The following GPC5 variants were observed in gnomAD, a reference collection of about 807,000 sequenced individuals.
The protein encoded by GPC5 is glypican-5.
Under a neutral mutation model 53.9 loss-of-function variants are expected in GPC5, and 47 were observed. That is an observed-to-expected ratio of 0.87 (90% confidence interval 0.69 to 1.11). The LOEUF is 1.11. Among genes scored for constraint, GPC5 ranks in the 50% most tolerant of loss-of-function variants. The pLI is 0.00. For synonymous variants in GPC5, 286 were observed against 263.3 expected (o/e 1.09, Z -0.84); for missense variants, 748 against 713.1 (o/e 1.05, Z -0.56).
chr13:92,260,963 A>G (rs1476604412), intron 7 of GPC5, among the ~76,000 whole-genome samples: 2 of 152,140 alleles, frequency 1.3e-5, no homozygotes, highest in African/African-American at 2.4e-5. Flanking sequence ...GTCAGTTGTT[A>G]TAGTAGTTGA....
chr13:92,856,995 CA>C (rs919641975), intron 7 of GPC5, among the ~76,000 whole-genome samples: 2 of 151,358 alleles, frequency 1.3e-5, no homozygotes, highest in Middle Eastern at 3.4e-3. Flanking sequence ...TTATATGGAA[CA>C]AAAAAAAGCC....
chr13:92,219,462 G>A (rs924892183), intron 7 of GPC5, among the ~76,000 whole-genome samples: 15 of 152,036 alleles, frequency 9.9e-5, no homozygotes, highest in Admixed American at 3.3e-4. Context: ...AGGCCGATTC[G>A]CACTGGCTTC....
rs113493153 is a variant in GPC5 at position 91,839,989 on chromosome 13, G to T, written c.1281-67948G>T. On this transcript the variant is annotated intron_variant, in intron 5 of 7. Coordinates refer to ENST00000377067, the MANE Select transcript of GPC5 (RefSeq NM_004466.6). ...TTCTTTCCTTATGCACTAGCAATGA[G>T]GAATTAGTCACAATTCCTAAGATCT... Among the ~76,000 whole-genome samples, 79 of 151,438 alleles carry T rather than the reference G, an allele frequency of 5.2e-4. 1 individual carries two copies. The highest frequency in any genetic ancestry group is 1.9e-3 in the African/African-American group (77 of 41,264).
At chr13:92,829,110 T>C (rs1045527113) in intron 7 of GPC5, among the ~76,000 whole-genome samples, 2 of 152,170 alleles carry the variant, frequency 1.3e-5, no homozygotes, top group Admixed American at 1.3e-4. Flanking sequence ...GAAACAGATG[T>C]AATGTATGTC....
At chr13:91,456,484 A>G (rs1039319280) in intron 2 of GPC5, among the ~76,000 whole-genome samples, 4 of 152,048 alleles carry the variant, frequency 2.6e-5, no homozygotes, top group Admixed American at 1.3e-4. Flanking sequence ...TGCAAAGTTA[A>G]TAATTTTTTT....
intron 1 of GPC5, among the ~76,000 whole-genome samples, chr13:91,410,512 AT>A (rs34699716): frequency 0.49 from 73,566 of 150,844 alleles, 19,786 homozygotes; most frequent in South Asian, 0.63. Context: ...CACCTGGCTA[AT>A]TTTTTTGTAT....
chr13:92,626,672 C>T (rs1227514161), intron 7 of GPC5, among the ~76,000 whole-genome samples: 2 of 151,882 alleles, frequency 1.3e-5, no homozygotes. Flanking sequence ...TAAAGGTGGC[C>T]CAGCTTAGAC....
At chr13:92,082,684 G>A (rs980887055) in intron 6 of GPC5, among the ~76,000 whole-genome samples, 3 of 152,068 alleles carry the variant, frequency 2.0e-5, no homozygotes, top group Non-Finnish European at 4.4e-5. Context: ...ATAAATAAGA[G>A]TTTAAATTTT....
intron 7 of GPC5, among the ~76,000 whole-genome samples, chr13:92,793,940 C>T (rs951405284): frequency 6.6e-6 from 1 of 151,960 alleles, no homozygotes; most frequent in African/African-American, 2.4e-5. Flanking sequence ...TTCACAGCTG[C>T]ATTCTACTAG....
At chr13:91,734,263 A>T (rs1405866148) in intron 4 of GPC5, among the ~76,000 whole-genome samples, 1 of 151,368 alleles carries the variant, frequency 6.6e-6, no homozygotes, top group Non-Finnish European at 1.5e-5. Flanking sequence ...ATTGATGTTC[A>T]TCAGGGATAT....
chr13:92,003,561 G>GT lies in GPC5; in HGVS notation c.1401+95505dup, dbSNP rs2040576829. On this transcript the variant is annotated intron_variant, in intron 6 of 7. Transcript: ENST00000377067. ...TATAACATTTAACAGATTATAGGAT[G>GT]TCAGTATTTCAAATCTAGTAAGGCT... Among the ~76,000 whole-genome samples, 3 of 152,120 alleles carry GT rather than the reference G, an allele frequency of 2.0e-5. No individual in the cohort carries two copies. In the South Asian group the frequency reaches 6.2e-4, roughly 32 times the overall value.
intron 7 of GPC5, among the ~76,000 whole-genome samples, chr13:92,790,946 G>C (rs573296731): frequency 6.6e-6 from 1 of 152,036 alleles, no homozygotes; most frequent in Non-Finnish European, 1.5e-5. Context: ...AACTTACCTA[G>C]GTTCAATGGA....
chr13:92,375,369 T>C (rs1566562463), intron 7 of GPC5, among the ~76,000 whole-genome samples: 1 of 152,170 alleles, frequency 6.6e-6, no homozygotes, highest in Non-Finnish European at 1.5e-5. Flanking sequence ...AGTTGAAATA[T>C]TCTAGCTTGG....
At chr13:91,746,806 T>C (rs1222919226) in intron 4 of GPC5, among the ~76,000 whole-genome samples, 1 of 152,220 alleles carries the variant, frequency 6.6e-6, no homozygotes, top group Admixed American at 6.5e-5. Context: ...TGGAATATTA[T>C]ACAGCTAATT....
At chr13:92,370,077 A>G (rs192905300) in intron 7 of GPC5, among the ~76,000 whole-genome samples, 1 of 152,368 alleles carries the variant, frequency 6.6e-6, no homozygotes, top group East Asian at 1.9e-4. Context: ...TTGGTTTCTT[A>G]GAAAATTAAT....
At chr13:92,346,082 C>A (rs2043409252) in intron 7 of GPC5, among the ~76,000 whole-genome samples, 1 of 152,138 alleles carries the variant, frequency 6.6e-6, no homozygotes, top group Admixed American at 6.5e-5. Flanking sequence ...ACACTCCCAC[C>A]CCCATACATT....
intron 7 of GPC5, among the ~76,000 whole-genome samples, chr13:92,599,646 A>G (rs1883984163): frequency 6.6e-6 from 1 of 152,210 alleles, no homozygotes; most frequent in Non-Finnish European, 1.5e-5. Flanking sequence ...GCTAAACAGG[A>G]TAATGGCATG....
chr13:92,311,840 T>G (rs2043147012), intron 7 of GPC5, among the ~76,000 whole-genome samples: 1 of 152,126 alleles, frequency 6.6e-6, no homozygotes. Context: ...TAGCAAATTG[T>G]TCTTTGGGAG....
chr13:92,616,622 A>G (rs1211589203), intron 7 of GPC5, among the ~76,000 whole-genome samples: 2 of 152,232 alleles, frequency 1.3e-5, no homozygotes, highest in East Asian at 1.9e-4. Context: ...CACAATCTGG[A>G]TACATCCAAT....
Sources: gnomAD v4.1 joint callset for allele counts (sites outside exome capture counted in the v4.1 genomes callset) on GRCh38, gnomAD v4.1.1 for gene constraint, MANE v1.5 for transcripts, NCBI Gene and HGNC (gene_info 2026-07-23, HGNC 2026-07-21) for gene names.